EIF3A: variants seen among roughly 807,000 people sequenced by gnomAD.
EIF3A encodes the protein eukaryotic translation initiation factor 3 subunit A.
EIF3A carries 21 observed loss-of-function variants against 186.6 expected under a neutral mutation model. The observed-to-expected ratio is 0.11, with a 90% CI of 0.08 to 0.16. The LOEUF (loss-of-function observed/expected upper bound fraction) is 0.16. Ranked by LOEUF, EIF3A falls within the 10% of genes least tolerant of loss-of-function variation. The probability of loss-of-function intolerance (pLI) is 1.00; values close to 1 mark genes in which losing one functional copy is unlikely to be tolerated. For synonymous variants in EIF3A, 563 were observed against 584.3 expected, an observed-to-expected ratio of 0.96 and a Z score of 0.52; for missense variants, 1,306 against 1,796.3, an observed-to-expected ratio of 0.73 and a Z score of 4.93.
At chr10:119,041,810 T>A (rs1848212269) in intron 19 of EIF3A, among the ~76,000 whole-genome samples, 184 bp downstream of exon 19, 1 of 152,110 alleles carries the variant, frequency 6.6e-6, no homozygotes, top group Admixed American at 6.5e-5. Context: ...GTTGGGTTAT[T>A]TATGTTTTGG....
At chr10:119,051,474 T>C (rs545332966) in intron 14 of EIF3A, among the ~76,000 whole-genome samples, 153 bp from the exon 15 acceptor site, 1 of 138,966 alleles carries the variant, frequency 7.2e-6, no homozygotes, top group South Asian at 2.3e-4. Flanking sequence ...TCCATGTCAA[T>C]AGGTCCCCAG....
Position 119,042,058 on chromosome 10 carries a change from A to G in EIF3A, c.3462T>C (p.Asp1154=). The G allele has an allele frequency of 6.2e-7, 1 of 1,614,182 alleles. No homozygotes were observed. The highest frequency in any genetic ancestry group is 1.3e-5 in the African/African-American group (1 of 75,064). ...CATCACCCCGTCTGGGAAACCGATC[A>G]TCATCAGCACGTCTTGAAAGGCGAT... ...DDDRLSRRAD[D]DRFPRRGDDS... The change falls in exon 19 of 22, where the codon GAT becomes GAC. Residue 1154 remains aspartate (D), a synonymous_variant. Transcript: ENST00000369144. This position sits in a 1 kb window ranked among gnomAD's most constrained non-coding sequence, Gnocchi z 7.8.
intron 7 of EIF3A, among the ~76,000 whole-genome samples, chr10:119,062,058 T>C (rs1843897012): frequency 1.3e-5 from 2 of 152,116 alleles, no homozygotes; most frequent in Non-Finnish European, 2.9e-5. Flanking sequence ...AGGTCTAAGG[T>C]TAACTCTAAT....
In EIF3A at chr10:119,073,188, A is replaced by T. The variant is rs202241660; in HGVS notation, c.378-135T>A. 4.8e-5 allele frequency: 39 copies of T among 817,200 alleles called. No homozygotes were observed. In the East Asian group the frequency reaches 6.5e-4, roughly 14 times the overall value. 50.6% of individuals were successfully genotyped at this position (817,200 alleles called of 1,614,324 possible). On this transcript the variant is annotated intron_variant, in intron 3 of 21. Coordinates refer to ENST00000369144, the MANE Select transcript of EIF3A (RefSeq NM_003750.4). ...ATGTACACACTGCAAAGGTGTCACT[A>T]TCTACTCCCTGAATTCCCAATCTGC...
intron 1 of EIF3A, chr10:119,080,255 C>T (rs530577016): frequency 3.1e-6 from 3 of 955,618 alleles, no homozygotes; most frequent in East Asian, 1.2e-4. Flanking sequence ...AGATGGCGGC[C>T]GGGGACGCGG....
At position 119,042,823 on chromosome 10, in the gene EIF3A, A is replaced by T. The variant is rs746539728; in HGVS notation, c.2748-51T>A. 1 of 1,494,954 alleles carries T rather than the reference A, an allele frequency of 6.7e-7. No homozygotes were observed. 92.6% of individuals were successfully genotyped at this position (1,494,954 alleles called of 1,614,324 possible). On this transcript the variant is annotated intron_variant, in intron 18 of 21. Coordinates refer to ENST00000369144, the MANE Select transcript of EIF3A (RefSeq NM_003750.4). The surrounding 1 kb of genome is among the most constrained non-coding windows in gnomAD (Gnocchi z 7.8). ...AATATATAAAATAAAAAAGCATATGATCCTTTGGGGATTTTTTTTTTCACA... is the reference window on the plus strand; with the variant it reads ...AATATATAAAATAAAAAAGCATATGTTCCTTTGGGGATTTTTTTTTTCACA...
Position 119,080,784 on chromosome 10 carries a change from G to A in EIF3A, c.-108C>T, listed in dbSNP as rs1382419078. The A allele has an allele frequency of 2.1e-6, 3 of 1,451,960 alleles. No individual in the cohort carries two copies. Among genetic ancestry groups the A allele is most frequent in the Admixed American group, 2.7e-5 (1 of 37,562 alleles). The allele number at this position is 1,451,960 out of a possible 1,614,324, so 89.9% of individuals were successfully genotyped here. A position where few individuals can be genotyped will look rare whatever the true frequency, so the allele number is the denominator to read the frequency against. On this transcript the variant is annotated 5_prime_UTR_variant, in exon 1 of 22. Coordinates refer to ENST00000369144, the MANE Select transcript of EIF3A (RefSeq NM_003750.4). Reference sequence around the variant, plus strand: ...TAAGGTCCCACGCGCCTCGCCAGCAGTCGCCCGCGCCCAGCCGGCCAGAGA... The same window carrying A: ...TAAGGTCCCACGCGCCTCGCCAGCAATCGCCCGCGCCCAGCCGGCCAGAGA...
At chr10:119,059,954 CAA>C in intron 9 of EIF3A, 1 of 567,332 alleles carries the variant, frequency 1.8e-6, no homozygotes, top group Non-Finnish European at 3.2e-6. Flanking sequence ...TGTTGTAAAA[CAA>C]AAAAGCCTAA....
chr10:119,051,797 G>A (rs1223267144), intron 14 of EIF3A, among the ~76,000 whole-genome samples: 1 of 152,200 alleles, frequency 6.6e-6, no homozygotes, highest in Non-Finnish European at 1.5e-5. Flanking sequence ...GTAGTACGCT[G>A]AGGCAAGAGA....
chr10:119,080,276 G>T, intron 1 of EIF3A: 1 of 981,744 alleles, frequency 1.0e-6, no homozygotes, highest in Non-Finnish European at 1.2e-6. Context: ...GCCCTAAGCA[G>T]ACCAAAGCCC....
At chr10:119,041,902 T>C in intron 19 of EIF3A, 92 bp downstream of exon 19, 3 of 1,359,342 alleles carry the variant, frequency 2.2e-6, no homozygotes, top group East Asian at 4.6e-5. Flanking sequence ...CCAGTTTATC[T>C]GGAAAATAAC....
chr10:119,064,930 G>C (rs1843947156), intron 7 of EIF3A, among the ~76,000 whole-genome samples: 1 of 152,104 alleles, frequency 6.6e-6, no homozygotes, highest in African/African-American at 2.4e-5. Flanking sequence ...GGCTGGTCTT[G>C]AATTCCTGAC....
chr10:119,043,110 C>T lies in EIF3A; in HGVS notation c.2748-338G>A, dbSNP rs948723506. Among the ~76,000 whole-genome samples the T allele has an allele frequency of 2.0e-5, 3 of 152,044 alleles. No individual in the cohort carries two copies. In the South Asian group the frequency reaches 6.2e-4, roughly 32 times the overall value. ...ACTAGCCTGGGCAACATGTCAAAAC[C>T]CCATCACTATAAAGAATATAAAAAT... On this transcript the variant is annotated intron_variant, in intron 18 of 21. Transcript: ENST00000369144.
intron 18 of EIF3A, 77 bp downstream of exon 18, chr10:119,043,977 A>G: frequency 9.1e-7 from 1 of 1,098,758 alleles, no homozygotes; most frequent in Non-Finnish European, 1.4e-6. Flanking sequence ...GCCTCTACAA[A>G]ATGAACCAAA....
chr10:119,036,652 A>G (rs976010313), intron 21 of EIF3A, among the ~76,000 whole-genome samples: 1 of 152,232 alleles, frequency 6.6e-6, no homozygotes, highest in East Asian at 1.9e-4. Context: ...AGGAGTTTTT[A>G]AAGTTATGGC....
At chr10:119,043,101 T>C (rs1347035876) in intron 18 of EIF3A, among the ~76,000 whole-genome samples, 1 of 152,042 alleles carries the variant, frequency 6.6e-6, no homozygotes, top group African/African-American at 2.4e-5. Flanking sequence ...CTGGGCAACA[T>C]GTCAAAACCC....
chr10:119,067,597 G>C (rs972354017), intron 6 of EIF3A, among the ~76,000 whole-genome samples: 21 of 152,036 alleles, frequency 1.4e-4, no homozygotes, highest in Middle Eastern at 3.2e-3. Flanking sequence ...CTATGAGAAA[G>C]GAAAGAAAGA....
Position 119,070,969 on chromosome 10 carries a change from G to A in EIF3A, c.658C>T (p.Leu220Phe), listed in dbSNP as rs1844061374. 1.2e-6 allele frequency: 2 copies of A among 1,613,884 alleles called. No individual in the cohort carries two copies. The highest frequency in any genetic ancestry group is 2.2e-5 in the East Asian group (1 of 44,884). ...RHHNQSTAINLNNPESQSMHL... is the reference protein window; with the variant it reads ...RHHNQSTAINFNNPESQSMHL... ...ATGGACTGGCTCTCTGGATTATTAAGATTGATTGCCGTACTTTGGTTATGG... is the reference window on the plus strand; with the variant it reads ...ATGGACTGGCTCTCTGGATTATTAAAATTGATTGCCGTACTTTGGTTATGG... The change falls in exon 5 of 22, where the codon CTT (leucine) becomes TTT (phenylalanine). Residue 220 changes from leucine (L) to phenylalanine (F), a missense_variant. Around this residue, in one of 8 missense-constraint regions of EIF3A, gnomAD observed 267 missense variants for 367.8 expected, o/e 0.73. Transcript: ENST00000369144.
intron 8 of EIF3A, 24 bp from the exon 9 acceptor site, chr10:119,060,868 G>GTGTGATTCTCTTTCAATTT: frequency 6.7e-7 from 1 of 1,494,536 alleles, no homozygotes; most frequent in Non-Finnish European, 9.2e-7. Context: ...TAAATTGAAA[G>GTGTGATTCTCTTTCAATTT]AGAATCACAC....
Sources: gnomAD v4.1 joint callset for allele counts (sites outside exome capture counted in the v4.1 genomes callset) on GRCh38, gnomAD v4.1.1 for gene constraint, gnomAD v4.1.1 regional missense constraint, Gnocchi (gnomAD v3.1) non-coding constraint, MANE v1.5 for transcripts, NCBI Gene and HGNC (gene_info 2026-07-23, HGNC 2026-07-21) for gene names.